The following ZNF469 variants were observed in gnomAD, a reference collection of about 807,000 sequenced individuals.
ZNF469 encodes the protein zinc finger protein 469.
In ZNF469, 1 loss-of-function variant was observed where a neutral mutation model predicts 1.0. That is an observed-to-expected ratio of 1.00 (90% CI 0.35 to 4.73). ZNF469 has a LOEUF of 4.73. Among genes scored for constraint, ZNF469 ranks in the 30% most tolerant of loss-of-function variants. ZNF469 has a pLI of 0.16. For missense variants in ZNF469, 6,100 were observed against 5,356.3 expected, an observed-to-expected ratio of 1.14 and a Z score of -4.33; for synonymous variants, 2,703 against 2,363.4, an observed-to-expected ratio of 1.14 and a Z score of -4.17.
At chr16:88,416,363 C>G (rs539777935) in intron 1 of ZNF469, among the ~76,000 whole-genome samples, 1 of 152,270 alleles carries the variant, frequency 6.6e-6, no homozygotes, top group East Asian at 1.9e-4. Flanking sequence ...GCTGCCCGGG[C>G]GTCCTCATCT....
chr16:88,274,278 A>G, the ZNF469 span, among the ~76,000 whole-genome samples: 1 of 152,196 alleles, frequency 6.6e-6, no homozygotes, highest in Non-Finnish European at 1.5e-5. Context: ...TTAGTCTTTA[A>G]TGGAGACAGA....
chr16:88,283,603 G>C, the ZNF469 span, among the ~76,000 whole-genome samples: 5 of 152,320 alleles, frequency 3.3e-5, no homozygotes, highest in African/African-American at 7.2e-5. Context: ...TGGTGGGTTG[G>C]GGGTATCTGT....
intron 1 of ZNF469, among the ~76,000 whole-genome samples, chr16:88,388,104 G>A (rs1372747260): frequency 6.6e-6 from 1 of 152,268 alleles, no homozygotes; most frequent in African/African-American, 2.4e-5. Context: ...CCAGAGAGGA[G>A]AGCGGCCGAG....
chr16:88,146,515 C>A, the ZNF469 span, among the ~76,000 whole-genome samples: 4 of 152,226 alleles, frequency 2.6e-5, no homozygotes, highest in African/African-American at 4.8e-5. Flanking sequence ...ACCCTCCCCC[C>A]AGTCTCAGCC....
chr16:88,255,748 C>A, the ZNF469 span, among the ~76,000 whole-genome samples: 4 of 152,354 alleles, frequency 2.6e-5, no homozygotes, highest in African/African-American at 9.6e-5. Flanking sequence ...CAGGAGTGCT[C>A]TGTCTTACAG....
chr16:88,252,121 A>C, the ZNF469 span, among the ~76,000 whole-genome samples: 1 of 140,530 alleles, frequency 7.1e-6, no homozygotes, highest in South Asian at 2.3e-4. Context: ...TGGGGCATGC[A>C]CTCATTTAAA....
At chr16:88,152,443 G>C in the ZNF469 span, among the ~76,000 whole-genome samples, 9 of 152,178 alleles carry the variant, frequency 5.9e-5, no homozygotes, top group African/African-American at 1.9e-4. The surrounding 1 kb of genome is among the most constrained non-coding windows in gnomAD (Gnocchi z 4.2). Flanking sequence ...CCGGGGCCTC[G>C]GCAGCTGTGG....
chr16:88,348,331 C>G, the ZNF469 span, among the ~76,000 whole-genome samples: 1 of 152,150 alleles, frequency 6.6e-6, no homozygotes, highest in Admixed American at 6.5e-5. Context: ...GCGTGCCTCT[C>G]GTTTCCCTGT....
intron 2 of ZNF469, among the ~76,000 whole-genome samples, chr16:88,426,980 C>T: frequency 6.6e-6 from 1 of 152,138 alleles, no homozygotes; most frequent in African/African-American, 2.4e-5. Context: ...AGCTTGTGCC[C>T]CACACAGGTG....
chr16:88,232,016 C>A, the ZNF469 span, among the ~76,000 whole-genome samples: 1 of 152,130 alleles, frequency 6.6e-6, no homozygotes, highest in African/African-American at 2.4e-5. Context: ...TGGACCCAGG[C>A]ATGGTGGACC....
At position 88,434,550 on chromosome 16, in the gene ZNF469, G is replaced by A. The variant is rs1040945200; in HGVS notation, c.7080G>A (p.Pro2360=). The change falls in exon 3 of 3, where the codon CCG becomes CCA. Residue 2360 remains proline (P), a synonymous_variant. Coordinates refer to ENST00000565624, the MANE Select transcript of ZNF469 (RefSeq NM_001367624.2). ...TEPPTLQGAG[P]DSPACLEGEM... is the part of the protein sequence containing the mutation. ...CTCCCACGCTACAGGGTGCAGGGCC[G>A]GACTCCCCCGCCTGCCTGGAAGGTG... 25 of 1,550,172 alleles carry A rather than the reference G, an allele frequency of 1.6e-5. No individual in the cohort carries two copies. The highest frequency in any genetic ancestry group is 5.9e-5 in the Admixed American group (3 of 50,990).
upstream of ZNF469, among the ~76,000 whole-genome samples, chr16:88,381,221 TGCACTCACACAC>T (rs2092523599): frequency 2.7e-5 from 2 of 75,410 alleles, no homozygotes; most frequent in Admixed American, 2.8e-4. Context: ...CACACAGACA[TGCACTCACACAC>T]GCACTCACAG....
chr16:88,159,319 G>T, the ZNF469 span, among the ~76,000 whole-genome samples: 50 of 152,152 alleles, frequency 3.3e-4, no homozygotes, highest in Admixed American at 1.6e-3. Flanking sequence ...TTGTGGAAAA[G>T]ATCAGGAGCG....
the ZNF469 span, among the ~76,000 whole-genome samples, chr16:88,208,714 G>A: frequency 6.6e-6 from 1 of 150,386 alleles, no homozygotes; most frequent in Non-Finnish European, 1.5e-5. Context: ...GACAAGATAG[G>A]ACAAGAAAAG....
At chr16:88,219,319 T>G in the ZNF469 span, among the ~76,000 whole-genome samples, 743 of 143,568 alleles carry the variant, frequency 5.2e-3, 5 homozygotes, top group African/African-American at 0.019. Flanking sequence ...AAGTCAATCC[T>G]AAGCCAAAAG....
At chr16:88,394,384 A>T (rs754095178) in intron 1 of ZNF469, among the ~76,000 whole-genome samples, 2 of 151,976 alleles carry the variant, frequency 1.3e-5, no homozygotes, top group Non-Finnish European at 2.9e-5. Flanking sequence ...AAGAGGTGAA[A>T]TGAACTTTAA....
the ZNF469 span, among the ~76,000 whole-genome samples, chr16:88,227,899 T>A: frequency 7.2e-4 from 110 of 152,190 alleles, 1 homozygote; most frequent in African/African-American, 2.6e-3. Context: ...CCTCCATTAT[T>A]ATGGGACCTT....
chr16:88,430,726 G>T lies in ZNF469; in HGVS notation c.3256G>T (p.Asp1086Tyr). The T allele has an allele frequency of 1.3e-6, 2 of 1,498,016 alleles. No individual in the cohort carries two copies. Among genetic ancestry groups the T allele is most frequent in the South Asian group, 1.3e-5 (1 of 78,308 alleles). The allele number at this position is 1,498,016 out of a possible 1,614,324, so 92.8% of individuals were successfully genotyped here. ...AAGRPRPGAE[D>Y]RRLREYDFAS... ...GGGGAGGCCCCGGCCCGGAGCTGAG[G>T]ACCGCAGGCTCCGCGAGTACGACTT... The change falls in exon 3 of 3, where the codon GAC becomes TAC. Residue 1086 changes from aspartate (D) to tyrosine (Y), a missense_variant. Transcript: ENST00000565624.
chr16:88,236,308 G>A, the ZNF469 span, among the ~76,000 whole-genome samples: 2 of 152,244 alleles, frequency 1.3e-5, no homozygotes, highest in Non-Finnish European at 2.9e-5. Context: ...TTCCTTCCAG[G>A]ACCTGCTCCC....
Sources: allele counts gnomAD v4.1 joint callset (sites outside exome capture counted in the v4.1 genomes callset), GRCh38; gene constraint gnomAD v4.1.1; non-coding constraint Gnocchi (gnomAD v3.1); transcripts MANE v1.5; gene names NCBI Gene and HGNC (gene_info 2026-07-23, HGNC 2026-07-21).